Variants in FAM162A observed in about 807,000 individuals in gnomAD.
The protein encoded by FAM162A is family with sequence similarity 162 member A, also known as protein FAM162A.
In FAM162A, 23 loss-of-function variants were observed where a neutral mutation model predicts 21.8. The ratio of observed to expected loss-of-function variants is 1.05; its 90% CI spans 0.76 to 1.49. The LOEUF (loss-of-function observed/expected upper bound fraction) is 1.49, where lower values mean the gene tolerates loss of function less well. FAM162A is among the 40% of genes most tolerant of loss of function. The pLI is 0.00. For missense variants in FAM162A, 165 were observed against 186.4 expected, an observed-to-expected ratio of 0.89 and a Z score of 0.67; for synonymous variants, 53 against 61.3, an observed-to-expected ratio of 0.86 and a Z score of 0.64.
At chr3:122,407,129 T>C in intron 3 of FAM162A, 152 bp from the exon 4 acceptor site, 2 of 556,298 alleles carry the variant, frequency 3.6e-6, no homozygotes, top group Non-Finnish European at 6.2e-6. Context: ...TCCTATGAGA[T>C]CTCTAGGCCC....
Position 122,400,782 on chromosome 3 carries a change from G to A in FAM162A, c.35-1978G>A, listed in dbSNP as rs564051956. Among the ~76,000 whole-genome samples the A allele has an allele frequency of 3.3e-3, 497 of 151,652 alleles. 1 individual carries two copies. Among genetic ancestry groups the A allele is most frequent in the Middle Eastern group, 6.8e-3 (2 of 294 alleles). On this transcript the variant is annotated intron_variant, in intron 1 of 4. Coordinates refer to ENST00000477892, the MANE Select transcript of FAM162A (RefSeq NM_014367.4). ...ACAGAGGTTGCGGTGAGCCGAGATC[G>A]CGCCACTGCACTCCAGCCTGGGCAC... is the stretch of plus-strand genomic sequence containing the variant.
chr3:122,389,956 GA>G (rs1463949234), intron 1 of FAM162A, among the ~76,000 whole-genome samples: 2 of 152,076 alleles, frequency 1.3e-5, no homozygotes, highest in African/African-American at 4.8e-5. Flanking sequence ...TTTACATAGT[GA>G]GACCCGATCT....
intron 1 of FAM162A, chr3:122,401,371 T>G (rs2075652918): frequency 9.9e-7 from 1 of 1,010,966 alleles, no homozygotes; most frequent in Non-Finnish European, 1.2e-6. Context: ...CTCCTTTTCT[T>G]TCAGGTTGGT....
At chr3:122,386,868 A>G (rs67931976) in intron 1 of FAM162A, among the ~76,000 whole-genome samples, 27,952 of 152,118 alleles carry the variant, frequency 0.18, 2,724 homozygotes, top group Middle Eastern at 0.29. Flanking sequence ...GAACTTCTCA[A>G]ATTTTTATGA....
chr3:122,409,116 A>G (rs576745020), intron 4 of FAM162A, among the ~76,000 whole-genome samples: 2 of 152,176 alleles, frequency 1.3e-5, no homozygotes, highest in East Asian at 3.9e-4. Context: ...TTGGTATAAA[A>G]GTGTTGAAAC....
chr3:122,399,385 A>C (rs562977854), intron 1 of FAM162A, among the ~76,000 whole-genome samples: 1 of 152,090 alleles, frequency 6.6e-6, no homozygotes, highest in African/African-American at 2.4e-5. Context: ...GTGCACTGTC[A>C]TGATCTAGGC....
intron 1 of FAM162A, among the ~76,000 whole-genome samples, chr3:122,389,976 C>T (rs1352726357): frequency 1.3e-5 from 2 of 151,994 alleles, no homozygotes; most frequent in Non-Finnish European, 2.9e-5. Context: ...CTCTACAAAA[C>T]AAATTTTTTT....
At chr3:122,401,338 A>C (rs1481615980) in intron 1 of FAM162A, 37 of 981,300 alleles carry the variant, frequency 3.8e-5, no homozygotes, top group Non-Finnish European at 4.4e-5. Flanking sequence ...TTATTTTGCC[A>C]ACATGATTAT....
intron 1 of FAM162A, among the ~76,000 whole-genome samples, chr3:122,395,038 C>T (rs1057347398): frequency 1.6e-4 from 25 of 152,116 alleles, no homozygotes; most frequent in African/African-American, 6.0e-4. Context: ...CATCAGTAAA[C>T]ACAGAAAAAG....
chr3:122,390,121 T>C (rs1221293699), intron 1 of FAM162A, among the ~76,000 whole-genome samples: 1 of 152,066 alleles, frequency 6.6e-6, no homozygotes, highest in African/African-American at 2.4e-5. Context: ...GGTGACAAAG[T>C]GAGACCTTGT....
intron 1 of FAM162A, among the ~76,000 whole-genome samples, chr3:122,385,977 G>T (rs2075572589): frequency 6.6e-6 from 1 of 152,214 alleles, no homozygotes; most frequent in South Asian, 2.1e-4. Context: ...GGTCAGAGAT[G>T]ACTTGTCCAG....
In FAM162A at chr3:122,407,826, A is replaced by G. The variant is rs975171360; in HGVS notation, c.372+437A>G. 3.1e-5 allele frequency: 6 copies of G among 193,726 alleles called. No homozygotes were observed. In the East Asian group the frequency reaches 7.6e-4, roughly 25 times the overall value. The allele number at this position is 193,726 out of a possible 1,614,324, so 12.0% of individuals were successfully genotyped here. A position where few individuals can be genotyped will look rare whatever the true frequency, so the allele number is the denominator to read the frequency against. ...ATTTGAAGCTCAGCCAGACAGGGCC[A>G]TGTGTCTAAGGACCACAGCTCCTAA... On this transcript the variant is annotated intron_variant, in intron 4 of 4. Coordinates refer to ENST00000477892, the MANE Select transcript of FAM162A (RefSeq NM_014367.4).
intron 1 of FAM162A, among the ~76,000 whole-genome samples, chr3:122,385,858 A>T (rs1483934641): frequency 1.3e-5 from 2 of 152,130 alleles, no homozygotes; most frequent in Non-Finnish European, 2.9e-5. Context: ...CCTTTCACCC[A>T]CTTCATAGCT....
chr3:122,401,273 A>G (rs2075652404), intron 1 of FAM162A: 1 of 436,062 alleles, frequency 2.3e-6, no homozygotes, highest in African/African-American at 2.2e-5. Context: ...ATGACTTATA[A>G]TATTCACCTG....
At chr3:122,408,349 TA>T (rs1183474536) in intron 4 of FAM162A, among the ~76,000 whole-genome samples, 1 of 152,368 alleles carries the variant, frequency 6.6e-6, no homozygotes, top group East Asian at 1.9e-4. Context: ...ATTCTTCTTT[TA>T]ATACCATGTA....
rs781209608 is a variant in FAM162A, at chr3:122,398,718, G to GT, written c.35-4042_35-4041insT. 2.6e-4 allele frequency among the ~76,000 whole-genome samples: 40 copies of GT among 151,336 alleles called. No individual in the cohort carries two copies. In the East Asian group the frequency reaches 2.7e-3, roughly 10 times the overall value. ...TGCACCTATTTTGAATAAGCCAACT[G>GT]CAAAAAAAAATGAGCCTATCAGAAA... On this transcript the variant is annotated intron_variant, in intron 1 of 4. Transcript: ENST00000477892.
At chr3:122,394,439 A>G (rs2075618331) in intron 1 of FAM162A, among the ~76,000 whole-genome samples, 1 of 152,224 alleles carries the variant, frequency 6.6e-6, no homozygotes. Context: ...TCCAGTTACT[A>G]GCTGACCACT....
intron 1 of FAM162A, among the ~76,000 whole-genome samples, chr3:122,387,054 C>T (rs928879593): frequency 6.6e-6 from 1 of 152,194 alleles, no homozygotes; most frequent in Non-Finnish European, 1.5e-5. Context: ...TTTACTCAGT[C>T]CTTACCACTT....
At chr3:122,396,654 A>G (rs1238199600) in intron 1 of FAM162A, among the ~76,000 whole-genome samples, 2 of 152,192 alleles carry the variant, frequency 1.3e-5, no homozygotes, top group African/African-American at 2.4e-5. Flanking sequence ...AAATGAAAAT[A>G]CATGTTCCTC....
Sources: allele counts gnomAD v4.1 joint callset (sites outside exome capture counted in the v4.1 genomes callset), GRCh38; gene constraint gnomAD v4.1.1; transcripts MANE v1.5; gene names NCBI Gene and HGNC (gene_info 2026-07-23, HGNC 2026-07-21).